Variants in SPTA1 observed in about 807,000 individuals in gnomAD.
SPTA1 encodes spectrin alpha, erythrocytic 1.
A neutral mutation model predicts 324.7 loss-of-function variants in SPTA1; 177 were observed. The ratio of observed to expected loss-of-function variants is 0.55; its 90% confidence interval spans 0.48 to 0.62. The LOEUF is 0.62. SPTA1 is among the 20% of genes least tolerant of loss of function. The probability of loss-of-function intolerance (pLI) is 0.00; values close to 1 mark genes in which losing one functional copy is unlikely to be tolerated. For missense variants in SPTA1, 3,162 were observed against 2,883.6 expected (o/e 1.10, Z -2.21); for synonymous variants, 1,195 against 1,041.3 (o/e 1.15, Z -2.84).
At position 158,627,679 on chromosome 1, in the gene SPTA1, G is replaced by T. The variant is rs369902263; in HGVS notation, c.5610C>A (p.Val1870=). 16 of 1,613,208 alleles carry T rather than the reference G, an allele frequency of 9.9e-6. No homozygotes were observed. The African/African-American group carries it at 2.0e-4, about 20-fold the overall frequency. The part of the protein sequence containing the change: ...KHEALENDFA[V]HETRVQNVCA... Reference sequence around the variant, plus strand: ...ACACATTTTGTACTCGGGTCTCATGGACAGCAAAGTCATTTTCCAAAGCTT... The same window carrying T: ...ACACATTTTGTACTCGGGTCTCATGTACAGCAAAGTCATTTTCCAAAGCTT... Residue 1870 remains valine, a synonymous_variant, in exon 40 of 52, where the codon GTC becomes GTA. Coordinates refer to ENST00000643759, the MANE Select transcript of SPTA1 (RefSeq NM_003126.4).
At chr1:158,674,769 G>A in intron 8 of SPTA1, 94 bp from the exon 9 acceptor site, 1 of 1,503,672 alleles carries the variant, frequency 6.7e-7, no homozygotes, top group South Asian at 1.1e-5. Flanking sequence ...TAAGATGTGT[G>A]AGATGCTCCT....
intron 17 of SPTA1, among the ~76,000 whole-genome samples, chr1:158,662,470 C>G (rs1009226479): frequency 6.6e-6 from 1 of 152,218 alleles, no homozygotes; most frequent in African/African-American, 2.4e-5. Context: ...GCACTCTACT[C>G]TTCCCAGGGG....
At chr1:158,674,795 T>G in intron 8 of SPTA1, 120 bp from the exon 9 acceptor site, 6 of 1,313,830 alleles carry the variant, frequency 4.6e-6, no homozygotes, top group African/African-American at 1.4e-5. Context: ...TAATCCTAGG[T>G]TCCCTTTTTC....
chr1:158,617,809 C>G (rs566308455), intron 46 of SPTA1, among the ~76,000 whole-genome samples: 1 of 152,266 alleles, frequency 6.6e-6, no homozygotes, highest in South Asian at 2.1e-4. Context: ...TCACATACCC[C>G]TCTTAATTAT....
chr1:158,612,819 G>A lies in SPTA1; in HGVS notation c.7132C>T (p.Gln2378Ter), dbSNP rs1064795113. 1 of 1,613,808 alleles carries A rather than the reference G, an allele frequency of 6.2e-7. No individual in the cohort carries two copies. Residue 2378 changes from glutamine (Q) to a stop codon, truncating the protein, a stop_gained and splice_region_variant, in exon 51 of 52, where the codon CAG (glutamine) becomes TAG (stop). Transcript: ENST00000643759. LOFTEE classifies it high-confidence loss of function. ...AGGGGAAGCAACCAGAATCGGACCT[G>A]CTTCATGTCTTCTTTGGTAATATAT... ...KSYITKEDMK[Q>*]ALTPEQVSFC... is the part of the protein sequence containing the mutation.
intron 31 of SPTA1, 90 bp downstream of exon 31, chr1:158,643,232 A>G: frequency 6.9e-7 from 1 of 1,455,292 alleles, no homozygotes; most frequent in Non-Finnish European, 9.6e-7. Context: ...AAATGACAGG[A>G]AGCCAGAGTA....
At position 158,680,747 on chromosome 1, in the gene SPTA1, G is replaced by T. The variant is rs375119217; in HGVS notation, c.532-18C>A. The T allele has an allele frequency of 1.2e-5, 20 of 1,613,140 alleles. No individual in the cohort carries two copies. Among genetic ancestry groups the T allele is most frequent in the African/African-American group, 2.7e-5 (2 of 74,896 alleles). Reference sequence around the variant, plus strand: ...ATAGCCTCCTGTAGACACAGAAGTTGATTGAGTTGCCAGCAAACATTTAGG... The same window carrying T: ...ATAGCCTCCTGTAGACACAGAAGTTTATTGAGTTGCCAGCAAACATTTAGG... On this transcript the variant is annotated intron_variant, in intron 4 of 51. Coordinates refer to ENST00000643759, the MANE Select transcript of SPTA1 (RefSeq NM_003126.4).
chr1:158,627,612 T>G lies in SPTA1; in HGVS notation c.5664+13A>C. ...GAATGGAAGTTTGAGCTGGAATTCC[T>G]GAACTAGCTCACCTTATTTAGGATG... On this transcript the variant is annotated intron_variant, in intron 40 of 51. Transcript: ENST00000643759. The G allele has an allele frequency of 6.2e-7, 1 of 1,612,206 alleles. No homozygotes were observed. Among genetic ancestry groups the G allele is most frequent in the Non-Finnish European group, 8.5e-7 (1 of 1,178,570 alleles).
chr1:158,680,006 G>T (rs562245176), intron 5 of SPTA1, among the ~76,000 whole-genome samples: 1 of 152,166 alleles, frequency 6.6e-6, no homozygotes, highest in African/African-American at 2.4e-5. Context: ...ATAGCCAACT[G>T]TTGGAGTTTA....
intron 33 of SPTA1, among the ~76,000 whole-genome samples, chr1:158,640,965 A>G (rs1651515302): frequency 6.6e-6 from 1 of 152,226 alleles, no homozygotes; most frequent in Non-Finnish European, 1.5e-5. Context: ...ACAGAGATAT[A>G]GACCAACGGA....
rs747391167 is a variant in SPTA1, at chr1:158,612,960, T to C, written c.6991A>G (p.Lys2331Glu). 5.8e-5 allele frequency: 94 copies of C among 1,613,652 alleles called. No homozygotes were observed. Among genetic ancestry groups the C allele is most frequent in the Non-Finnish European group, 7.6e-5 (90 of 1,179,834 alleles). ...TAGTCCTCCAGTGAGACATAGCCCTTCCTGTGGGAGAAATGGATCAGGAGC... is the reference window on the plus strand; with the variant it reads ...TAGTCCTCCAGTGAGACATAGCCCTCCCTGTGGGAGAAATGGATCAGGAGC... Reference protein sequence around the residue: ...KFLDAVDPGRKGYVSLEDYTA... With the variant: ...KFLDAVDPGREGYVSLEDYTA... The change falls in exon 51 of 52, where the codon AAG (lysine) becomes GAG (glutamate). Residue 2331 changes from lysine (K) to glutamate (E), a missense_variant and splice_region_variant. Coordinates refer to ENST00000643759, the MANE Select transcript of SPTA1 (RefSeq NM_003126.4).
rs544984004 is a variant in SPTA1, at chr1:158,613,884, G to GA, written c.6843-18dup. On this transcript the variant is annotated splice_polypyrimidine_tract_variant and intron_variant, in intron 49 of 51. Coordinates refer to ENST00000643759, the MANE Select transcript of SPTA1 (RefSeq NM_003126.4). ...TCAAAGTGTCTAAAGGATAAAAAAAGAAAAAAAAATTTATCAAGCTCAATA... is the reference window on the plus strand; with the variant it reads ...TCAAAGTGTCTAAAGGATAAAAAAAGAAAAAAAAAATTTATCAAGCTCAATA... 7.6e-5 allele frequency: 122 copies of GA among 1,604,588 alleles called. No individual in the cohort carries two copies. The highest frequency in any genetic ancestry group is 3.1e-4 in the South Asian group (28 of 90,346).
intron 33 of SPTA1, among the ~76,000 whole-genome samples, chr1:158,640,312 G>A (rs1413124163): frequency 2.5e-5 from 2 of 79,566 alleles, no homozygotes; most frequent in African/African-American, 4.7e-5. Flanking sequence ...GAATTAAGCC[G>A]AAGCTTTCTT....
chr1:158,613,883 AG>A lies in SPTA1; in HGVS notation c.6843-17del. 2 of 1,612,396 alleles carry A rather than the reference AG, an allele frequency of 1.2e-6. No individual in the cohort carries two copies. Among genetic ancestry groups the A allele is most frequent in the Non-Finnish European group, 1.7e-6 (2 of 1,179,240 alleles). Reference sequence around the variant, plus strand: ...ATCAAAGTGTCTAAAGGATAAAAAAAGAAAAAAAAATTTATCAAGCTCAATA... The same window carrying A: ...ATCAAAGTGTCTAAAGGATAAAAAAAAAAAAAAAATTTATCAAGCTCAATA... On this transcript the variant is annotated splice_polypyrimidine_tract_variant and intron_variant, in intron 49 of 51. Transcript: ENST00000643759.
chr1:158,677,620 A>G, intron 7 of SPTA1, 70 bp downstream of exon 7: 1 of 1,588,230 alleles, frequency 6.3e-7, no homozygotes, highest in Non-Finnish European at 8.6e-7. Context: ...GAGGCACGGT[A>G]ATAGGCAAGA....
intron 8 of SPTA1, 99 bp from the exon 9 acceptor site, chr1:158,674,774 G>T: frequency 6.8e-7 from 1 of 1,473,756 alleles, no homozygotes; most frequent in Non-Finnish European, 9.4e-7. Context: ...TGTGTGAGAT[G>T]CTCCTTACTC....
rs1367392295 is a variant in SPTA1, at chr1:158,669,495, C to T, written c.1746G>A (p.Leu582=). 1 of 1,614,176 alleles carries T rather than the reference C, an allele frequency of 6.2e-7. No individual in the cohort carries two copies. Among genetic ancestry groups the T allele is most frequent in the African/African-American group, 1.3e-5 (1 of 75,050 alleles). Residue 582 remains leucine, a synonymous_variant, in exon 14 of 52, where the codon TTG becomes TTA. Coordinates refer to ENST00000643759, the MANE Select transcript of SPTA1 (RefSeq NM_003126.4). ...ATRRRLLKES[L]LLQKLYEDSD... is the part of the protein sequence containing the mutation. Reference sequence around the variant, plus strand: ...AGTCCTCATACAGTTTTTGCAGAAGCAATGACTCCTTCAGCAATCTACGTC... The same window carrying T: ...AGTCCTCATACAGTTTTTGCAGAAGTAATGACTCCTTCAGCAATCTACGTC...
chr1:158,612,661 T>G (rs1215888335), intron 51 of SPTA1, 156 bp downstream of exon 51: 2 of 771,868 alleles, frequency 2.6e-6, no homozygotes. Context: ...CAAGACAAAA[T>G]GAAGTGGTTA....
At chr1:158,634,494 A>G in intron 39 of SPTA1, 49 bp downstream of exon 39, 1 of 1,611,270 alleles carries the variant, frequency 6.2e-7, no homozygotes, top group Non-Finnish European at 8.5e-7. Flanking sequence ...ACCCAAGAAA[A>G]TAACCAAATT....
Sources: allele counts gnomAD v4.1 joint callset (sites outside exome capture counted in the v4.1 genomes callset), GRCh38; gene constraint gnomAD v4.1.1; transcripts MANE v1.5; gene names NCBI Gene and HGNC (gene_info 2026-07-23, HGNC 2026-07-21).